TSHZ2: variants seen among roughly 807,000 people sequenced by gnomAD.
The protein encoded by TSHZ2 is teashirt zinc finger homeobox 2.
In TSHZ2, 21 loss-of-function variants were observed where a neutral mutation model predicts 74.4. The observed-to-expected ratio is 0.28, with a 90% CI of 0.20 to 0.41. The LOEUF is 0.41. Ranked by LOEUF, TSHZ2 falls within the 10% of genes least tolerant of loss-of-function variation. TSHZ2 has a pLI of 1.00. For synonymous variants in TSHZ2, 540 were observed against 515.3 expected, an observed-to-expected ratio of 1.05 and a Z score of -0.65; for missense variants, 1,244 against 1,293.5, an observed-to-expected ratio of 0.96 and a Z score of 0.59.
intron 2 of TSHZ2, among the ~76,000 whole-genome samples, chr20:53,278,210 T>G (rs1173670722): frequency 6.6e-6 from 1 of 152,188 alleles, no homozygotes; most frequent in Non-Finnish European, 1.5e-5. Context: ...CTAAATCAGT[T>G]GTTGTCTGTA....
At chr20:53,150,244 C>T (rs888230916) in intron 1 of TSHZ2, among the ~76,000 whole-genome samples, 6 of 152,066 alleles carry the variant, frequency 3.9e-5, no homozygotes, top group Admixed American at 1.3e-4. Context: ...TGCTTTTAGC[C>T]TCTTATTGGG....
intron 1 of TSHZ2, among the ~76,000 whole-genome samples, chr20:53,204,579 G>A (rs1350304131): frequency 6.6e-6 from 1 of 152,040 alleles, no homozygotes; most frequent in Non-Finnish European, 1.5e-5. Flanking sequence ...CTATTGGGCA[G>A]CGCTGCTTGA....
intron 1 of TSHZ2, among the ~76,000 whole-genome samples, chr20:53,217,174 T>C (rs1002144599): frequency 1.3e-5 from 2 of 152,054 alleles, no homozygotes; most frequent in Admixed American, 6.5e-5. Flanking sequence ...TCCTCCCAAG[T>C]TGTGAAAGGG....
chr20:53,145,244 A>G (rs1327427957), intron 1 of TSHZ2, among the ~76,000 whole-genome samples: 1 of 152,192 alleles, frequency 6.6e-6, no homozygotes, highest in Non-Finnish European at 1.5e-5. Context: ...GGTGAGGAAC[A>G]TCACTTTCTT....
intron 2 of TSHZ2, among the ~76,000 whole-genome samples, chr20:53,461,010 C>T (rs1042066262): frequency 6.6e-6 from 1 of 152,194 alleles, no homozygotes; most frequent in Non-Finnish European, 1.5e-5. Context: ...CTGTGCCCTG[C>T]CCCCAGAGGT....
intron 1 of TSHZ2, among the ~76,000 whole-genome samples, chr20:53,089,639 C>G (rs1209283068): frequency 1.3e-5 from 2 of 152,138 alleles, no homozygotes; most frequent in African/African-American, 4.8e-5. Flanking sequence ...ATTTTTCACA[C>G]AGTAATAATA....
At chr20:53,359,167 A>G (rs568207750) in intron 2 of TSHZ2, among the ~76,000 whole-genome samples, 1 of 152,286 alleles carries the variant, frequency 6.6e-6, no homozygotes, top group Non-Finnish European at 1.5e-5. Context: ...GATCCTACCA[A>G]CAACTTTATG....
At chr20:53,095,553 G>A (rs1408836165) in intron 1 of TSHZ2, among the ~76,000 whole-genome samples, 1 of 152,084 alleles carries the variant, frequency 6.6e-6, no homozygotes, top group African/African-American at 2.4e-5. Flanking sequence ...AACAACAGCA[G>A]CAACAATAAT....
intron 2 of TSHZ2, among the ~76,000 whole-genome samples, chr20:53,278,388 A>C (rs958188268): frequency 6.6e-6 from 1 of 151,846 alleles, no homozygotes; most frequent in Non-Finnish European, 1.5e-5. Context: ...CATTTATTCC[A>C]TCACTCATTT....
rs111690982 is a variant in TSHZ2 at position 53,100,059 on chromosome 20, C to T, written c.40+126726C>T. On this transcript the variant is annotated intron_variant, in intron 1 of 2. Transcript: ENST00000371497. ...GGCTGAGGCCACTGCTGAATACTGG[C>T]TGTTGGTGGTGATTCAGTGGCTAAG... Among the ~76,000 whole-genome samples, 1,293 of 152,250 alleles carry T rather than the reference C, an allele frequency of 8.5e-3. 12 individuals are homozygous for T. The highest frequency in any genetic ancestry group is 0.023 in the South Asian group (112 of 4,818).
chr20:53,088,843 C>T (rs922159804), intron 1 of TSHZ2, among the ~76,000 whole-genome samples: 4 of 152,086 alleles, frequency 2.6e-5, no homozygotes, highest in East Asian at 1.9e-4. Flanking sequence ...ACTCCACTGC[C>T]GCTCACCTAG....
chr20:53,283,844 C>A (rs184444142), intron 2 of TSHZ2, among the ~76,000 whole-genome samples: 1 of 152,166 alleles, frequency 6.6e-6, no homozygotes, highest in Admixed American at 6.5e-5. Context: ...AACAGATTAA[C>A]CCTATTTTTA....
chr20:53,342,169 A>G (rs1430220179), intron 2 of TSHZ2, among the ~76,000 whole-genome samples: 1 of 152,130 alleles, frequency 6.6e-6, no homozygotes, highest in Non-Finnish European at 1.5e-5. Context: ...ACCAAAATCC[A>G]TACTCTATTC....
intron 1 of TSHZ2, among the ~76,000 whole-genome samples, chr20:53,161,697 A>G (rs1987944678): frequency 6.6e-6 from 1 of 152,204 alleles, no homozygotes; most frequent in Admixed American, 6.5e-5. Context: ...AACAGCATGA[A>G]GGAATCCGCC....
chr20:53,144,159 G>A (rs1987481337), intron 1 of TSHZ2, among the ~76,000 whole-genome samples: 1 of 152,178 alleles, frequency 6.6e-6, no homozygotes, highest in African/African-American at 2.4e-5. Flanking sequence ...TTTTACAATA[G>A]TGATGTTATC....
chr20:53,144,290 GGA>G (rs2123423547), intron 1 of TSHZ2, among the ~76,000 whole-genome samples: 1 of 152,306 alleles, frequency 6.6e-6, no homozygotes, highest in East Asian at 1.9e-4. Flanking sequence ...TGCCCAGACA[GGA>G]AGGGGATTTG....
chr20:53,036,295 T>C (rs1983815407), intron 1 of TSHZ2, among the ~76,000 whole-genome samples: 1 of 152,200 alleles, frequency 6.6e-6, no homozygotes, highest in African/African-American at 2.4e-5. Context: ...GTATCTGCTT[T>C]GTGCAAGACA....
At chr20:53,450,447 T>G (rs556755624) in intron 2 of TSHZ2, among the ~76,000 whole-genome samples, 1 of 152,226 alleles carries the variant, frequency 6.6e-6, no homozygotes, top group Non-Finnish European at 1.5e-5. Flanking sequence ...AATGAGCCAT[T>G]TGCCTTTATT....
intron 2 of TSHZ2, among the ~76,000 whole-genome samples, chr20:53,315,450 C>T (rs903526850): frequency 6.6e-6 from 1 of 152,210 alleles, no homozygotes; most frequent in Non-Finnish European, 1.5e-5. Flanking sequence ...GGAAAGAAAA[C>T]ATTACCTCTT....
Sources: allele counts gnomAD v4.1 joint callset (sites outside exome capture counted in the v4.1 genomes callset), GRCh38; gene constraint gnomAD v4.1.1; transcripts MANE v1.5; gene names NCBI Gene and HGNC (gene_info 2026-07-23, HGNC 2026-07-21).